Variants in MUCL1 observed in about 807,000 individuals in gnomAD.
MUCL1 encodes mucin like 1, also known as mucin-like protein 1.
In MUCL1, 11 loss-of-function variants were observed where a neutral mutation model predicts 9.2. That is an observed-to-expected ratio of 1.19 (90% CI 0.75 to 1.97). The LOEUF (loss-of-function observed/expected upper bound fraction) is 1.97, where lower values mean the gene tolerates loss of function less well. Ranked by LOEUF, MUCL1 falls within the 30% of genes most tolerant of loss-of-function variation. The probability of loss-of-function intolerance (pLI) is 0.00; values close to 1 mark genes in which losing one functional copy is unlikely to be tolerated. For synonymous variants in MUCL1, 48 were observed against 40.5 expected (o/e 1.19, Z -0.71); for missense variants, 144 against 110.9 (o/e 1.30, Z -1.34).
At chr12:54,834,224 C>G (rs903172343) in intron 1 of MUCL1, among the ~76,000 whole-genome samples, 1 of 152,000 alleles carries the variant, frequency 6.6e-6, no homozygotes, top group Non-Finnish European at 1.5e-5. Flanking sequence ...TAGATATATT[C>G]TCTACATAAT....
exon 1 of MUCL1, chr12:54,839,386 G>T (rs1217624663): frequency 1.4e-6 from 1 of 701,758 alleles, no homozygotes; most frequent in Admixed American, 2.0e-5. Flanking sequence ...GGATTGAACA[G>T]TTCAGGCTTC....
chr12:54,838,041 C>T (rs531298350), upstream of MUCL1, among the ~76,000 whole-genome samples: 17 of 152,182 alleles, frequency 1.1e-4, no homozygotes, highest in Non-Finnish European at 2.2e-4. Context: ...GAGTTTTATG[C>T]TTCAAGTGGT....
upstream of MUCL1, among the ~76,000 whole-genome samples, chr12:54,834,866 C>A (rs546041764): frequency 8.6e-5 from 13 of 152,038 alleles, no homozygotes; most frequent in African/African-American, 2.4e-4. Context: ...TACATTGTAT[C>A]CAATATGTAG....
chr12:54,835,108 A>G (rs1365356926), upstream of MUCL1, among the ~76,000 whole-genome samples: 1 of 152,190 alleles, frequency 6.6e-6, no homozygotes, highest in Non-Finnish European at 1.5e-5. Context: ...ATGGCTGAGT[A>G]GTATTCCATG....
chr12:54,835,693 G>A (rs371489214), upstream of MUCL1, among the ~76,000 whole-genome samples: 7 of 151,096 alleles, frequency 4.6e-5, no homozygotes, highest in African/African-American at 1.5e-4. Flanking sequence ...TCCCCGTTCA[G>A]TATGATGCTG....
chr12:54,835,438 A>T (rs544575134), upstream of MUCL1, among the ~76,000 whole-genome samples: 18 of 152,180 alleles, frequency 1.2e-4, no homozygotes, highest in African/African-American at 4.3e-4. Context: ...TGACTTTTTA[A>T]TAATGGCCAT....
At chr12:54,851,517 T>C (rs1959339660), upstream of MUCL1, among the ~76,000 whole-genome samples, 1 of 152,128 alleles carries the variant, frequency 6.6e-6, no homozygotes, top group Admixed American at 6.5e-5. Context: ...CTCAAAATAA[T>C]TAGAGCTATC....
upstream of MUCL1, among the ~76,000 whole-genome samples, chr12:54,852,214 A>G (rs1868255732): frequency 6.6e-6 from 1 of 152,226 alleles, no homozygotes; most frequent in Admixed American, 6.5e-5. Context: ...TCCTAAGCCA[A>G]AAGAACAAAG....
chr12:54,848,369 G>A (rs1325097092), intron 1 of MUCL1, among the ~76,000 whole-genome samples: 1 of 152,080 alleles, frequency 6.6e-6, no homozygotes, highest in Non-Finnish European at 1.5e-5. Context: ...TAATAGATAT[G>A]ATTTTTGTGT....
chr12:54,846,793 G>A (rs1477297370), intron 1 of MUCL1, among the ~76,000 whole-genome samples: 2 of 142,122 alleles, frequency 1.4e-5, no homozygotes, highest in African/African-American at 5.1e-5. Flanking sequence ...GTTTATTAGG[G>A]TAACTGAATA....
upstream of MUCL1, among the ~76,000 whole-genome samples, chr12:54,851,562 G>A (rs184434098): frequency 1.4e-4 from 21 of 152,242 alleles, no homozygotes; most frequent in East Asian, 4.1e-3. Flanking sequence ...ATACTGAATG[G>A]GCAAAAACTG....
chr12:54,852,723 C>T (rs1318009258), upstream of MUCL1, among the ~76,000 whole-genome samples: 2 of 152,224 alleles, frequency 1.3e-5, no homozygotes, highest in East Asian at 3.9e-4. Context: ...GTAACCGTCT[C>T]CTAGAAGACC....
upstream of MUCL1, among the ~76,000 whole-genome samples, chr12:54,850,505 C>T: frequency 3.3e-5 from 5 of 152,066 alleles, 1 homozygote. Context: ...TTTTTTATGG[C>T]TACATAGTAT....
intron 1 of MUCL1, among the ~76,000 whole-genome samples, chr12:54,832,049 G>C (rs1385318823): frequency 2.0e-5 from 3 of 151,980 alleles, no homozygotes; most frequent in Admixed American, 2.0e-4. Flanking sequence ...TTTTTGTTAA[G>C]GGAAAAAGAG....
upstream of MUCL1, among the ~76,000 whole-genome samples, chr12:54,851,275 G>A (rs956046662): frequency 1.3e-5 from 2 of 152,038 alleles, no homozygotes; most frequent in Admixed American, 1.3e-4. Flanking sequence ...TTTTCTTCTA[G>A]GATTTTTATG....
At chr12:54,834,242 T>A (rs7358570) in intron 1 of MUCL1, among the ~76,000 whole-genome samples, 79,469 of 151,922 alleles carry the variant, frequency 0.52, 21,259 homozygotes, top group East Asian at 0.86. Context: ...AATAAACTAT[T>A]TGGAATTTAT....
chr12:54,848,723 G>A (rs1959292712), intron 1 of MUCL1, among the ~76,000 whole-genome samples: 1 of 152,112 alleles, frequency 6.6e-6, no homozygotes, highest in Non-Finnish European at 1.5e-5. Flanking sequence ...AACAAATATT[G>A]CTTCTGGCAT....
intron 1 of MUCL1, among the ~76,000 whole-genome samples, chr12:54,843,708 T>G (rs9788234): frequency 0.36 from 54,314 of 151,962 alleles, 11,619 homozygotes; most frequent in East Asian, 0.83. Context: ...ACAAGGCAAG[T>G]AATGTGAGCA....
chr12:54,834,683 C>A (rs559089612), upstream of MUCL1, among the ~76,000 whole-genome samples: 1 of 151,858 alleles, frequency 6.6e-6, no homozygotes, highest in African/African-American at 2.4e-5. Context: ...AATGAACTAA[C>A]TGTGTATCTC....
Sources: allele counts gnomAD v4.1 joint callset (sites outside exome capture counted in the v4.1 genomes callset), GRCh38; gene constraint gnomAD v4.1.1; transcripts MANE v1.5; gene names NCBI Gene and HGNC (gene_info 2026-07-23, HGNC 2026-07-21).